RAP1B: variants seen among roughly 807,000 people sequenced by gnomAD.
RAP1B encodes the protein RAP1B, member of RAS oncogene family, also known as ras-related protein Rap-1b.
Under a neutral mutation model 27.5 loss-of-function variants are expected in RAP1B, and 1 was observed. The observed-to-expected ratio is 0.04, with a 90% CI of 0.01 to 0.17. The LOEUF is 0.17. Ranked by LOEUF, RAP1B falls within the 10% of genes least tolerant of loss-of-function variation. RAP1B has a pLI of 1.00. For missense variants in RAP1B, 84 were observed against 214.8 expected (o/e 0.39, Z 3.81); for synonymous variants, 75 against 73.1 (o/e 1.03, Z -0.13).
At position 68,661,090 on chromosome 12, in the gene RAP1B, A is replaced by G. The variant is rs1874571348; in HGVS notation, c.*1841A>G. 1 of 152,214 alleles carries G rather than the reference A, an allele frequency of 6.6e-6. No individual in the cohort carries two copies. The highest frequency in any genetic ancestry group is 1.5e-5 in the Non-Finnish European group (1 of 68,024). 9.4% of individuals were successfully genotyped at this position (152,214 alleles called of 1,614,324 possible). ...TTGCCAGCTACTGGAGCAATTAATCAGTGATAATATCTAATAGAGGGGTAT... is the reference window on the plus strand; with the variant it reads ...TTGCCAGCTACTGGAGCAATTAATCGGTGATAATATCTAATAGAGGGGTAT... On this transcript the variant is annotated 3_prime_UTR_variant, in exon 8 of 8. Transcript: ENST00000250559.
At position 68,670,066 on chromosome 12, in the gene RAP1B, A is replaced by C. The variant is rs746551745; in HGVS notation, c.*10817A>C. 2 of 149,318 alleles carry C rather than the reference A, an allele frequency of 1.3e-5. No homozygotes were observed. The highest frequency in any genetic ancestry group is 5.0e-5 in the African/African-American group (2 of 40,332). 9.2% of individuals were successfully genotyped at this position (149,318 alleles called of 1,614,324 possible). A position where few individuals can be genotyped will look rare whatever the true frequency, so the allele number is the denominator to read the frequency against. ...ATTCTCCTGCCTCAGCCTCCCGAGT[A>C]GCTGGGATTACAGGCATGTGCCACC... On this transcript the variant is annotated 3_prime_UTR_variant, in exon 8 of 8. Transcript: ENST00000250559.
rs11415135 is a variant in RAP1B at position 68,613,408 on chromosome 12, A to AT, written c.-27+2365_-27+2366insT. On this transcript the variant is annotated intron_variant, in intron 1 of 7. Coordinates refer to ENST00000250559, the MANE Select transcript of RAP1B (RefSeq NM_001010942.3). ...CTGTCTTAAAAAAAAAAAAAAAAAAAGGAGATAAGAAAATGATTGCTCTGC... is the reference window on the plus strand; with the variant it reads ...CTGTCTTAAAAAAAAAAAAAAAAAAATGGAGATAAGAAAATGATTGCTCTGC... 2.0e-5 allele frequency among the ~76,000 whole-genome samples: 3 copies of AT among 149,718 alleles called. No homozygotes were observed. The East Asian group carries it at 5.9e-4, about 29-fold the overall frequency.
At chr12:68,626,773 TG>T (rs1871812640) in intron 1 of RAP1B, 1 of 1,166,604 alleles carries the variant, frequency 8.6e-7, no homozygotes. Context: ...TTTTCCAGGG[TG>T]TTTTTTTTTT....
At chr12:68,623,805 G>A (rs1228756505) in intron 1 of RAP1B, among the ~76,000 whole-genome samples, 4 of 152,134 alleles carry the variant, frequency 2.6e-5, no homozygotes, top group Non-Finnish European at 4.4e-5. Context: ...GGTGGATCAC[G>A]AGGTCAGGAG....
rs1223147196 is a variant in RAP1B, at chr12:68,663,174, C to A, written c.*3925C>A. The A allele has an allele frequency of 6.6e-6, 1 of 151,798 alleles. No individual in the cohort carries two copies. The highest frequency in any genetic ancestry group is 1.5e-5 in the Non-Finnish European group (1 of 68,066). 9.4% of individuals were successfully genotyped at this position (151,798 alleles called of 1,614,324 possible). A position where few individuals can be genotyped will look rare whatever the true frequency, so the allele number is the denominator to read the frequency against. The stretch of plus-strand genomic sequence containing the variant: ...TGCCTCCCAGGTTCAAGCAATTCTT[C>A]TGCCTCAGCCTCCTGAATAGCTGGG... On this transcript the variant is annotated 3_prime_UTR_variant, in exon 8 of 8. Coordinates refer to ENST00000250559, the MANE Select transcript of RAP1B (RefSeq NM_001010942.3).
At chr12:68,622,651 TAATC>T (rs1457108412) in intron 1 of RAP1B, among the ~76,000 whole-genome samples, 1 of 152,240 alleles carries the variant, frequency 6.6e-6, no homozygotes, top group Non-Finnish European at 1.5e-5. Flanking sequence ...TTCTTAATCA[TAATC>T]AATAATTATA....
intron 1 of RAP1B, 117 bp downstream of exon 1, chr12:68,611,160 C>T (rs2135900370): frequency 1.4e-5 from 2 of 146,562 alleles, no homozygotes; most frequent in South Asian, 3.7e-4. Context: ...GCGCGGCGGT[C>T]AGGGGCCCCG....
rs967927284 is a variant in RAP1B, at chr12:68,610,950, G to A, written c.-120G>A. 3.9e-5 allele frequency: 12 copies of A among 311,150 alleles called. No individual in the cohort carries two copies. The highest frequency in any genetic ancestry group is 6.5e-5 in the Non-Finnish European group (11 of 168,968). 19.3% of individuals were successfully genotyped at this position (311,150 alleles called of 1,614,324 possible). ...AGGCGTGTAAACCAGCCGGAGCGGC[G>A]CGGCAGCGGCAGGACCGCCGTGGCG... On this transcript the variant is annotated 5_prime_UTR_variant, in exon 1 of 8. Transcript: ENST00000250559.
In RAP1B at chr12:68,660,598, A is replaced by C. The variant is rs1874543920; in HGVS notation, c.*1349A>C. 1 of 152,674 alleles carries C rather than the reference A, an allele frequency of 6.5e-6. No individual in the cohort carries two copies. Among genetic ancestry groups the C allele is most frequent in the East Asian group, 1.9e-4 (1 of 5,206 alleles). 9.5% of individuals were successfully genotyped at this position (152,674 alleles called of 1,614,324 possible). A position where few individuals can be genotyped will look rare whatever the true frequency, so the allele number is the denominator to read the frequency against. ...ATAAATACGGGTTTACCCTGGTTTT[A>C]ATTGTAATAGGTGCATTTTACACAG... On this transcript the variant is annotated 3_prime_UTR_variant, in exon 8 of 8. Transcript: ENST00000250559.
chr12:68,656,233 T>C (rs1342768468), intron 5 of RAP1B, 73 bp from the exon 6 acceptor site: 1 of 1,355,684 alleles, frequency 7.4e-7, no homozygotes, highest in African/African-American at 1.5e-5. Context: ...GATTTGACTC[T>C]TAGAATTCTT....
At chr12:68,626,764 T>C in intron 1 of RAP1B, 1 of 1,151,828 alleles carries the variant, frequency 8.7e-7, no homozygotes, top group Admixed American at 2.1e-5. Flanking sequence ...GTATCAGAAT[T>C]TTCCAGGGTG....
chr12:68,645,543 G>A (rs1479306155), intron 1 of RAP1B, among the ~76,000 whole-genome samples: 1 of 152,220 alleles, frequency 6.6e-6, no homozygotes, highest in African/African-American at 2.4e-5. Flanking sequence ...TGAACAGAAA[G>A]GTTATGCCTA....
chr12:68,611,950 T>C (rs1472759788), intron 1 of RAP1B, among the ~76,000 whole-genome samples: 1 of 152,188 alleles, frequency 6.6e-6, no homozygotes, highest in Non-Finnish European at 1.5e-5. Context: ...AAAAGATCAT[T>C]TTTGCAAGTT....
Position 68,668,659 on chromosome 12 carries a change from G to A in RAP1B, c.*9410G>A, listed in dbSNP as rs1308945069. The A allele has an allele frequency of 3.3e-5, 5 of 152,022 alleles. No individual in the cohort carries two copies. Among genetic ancestry groups the A allele is most frequent in the Non-Finnish European group, 4.4e-5 (3 of 68,032 alleles). The allele number at this position is 152,022 out of a possible 1,614,324, so 9.4% of individuals were successfully genotyped here. A position where few individuals can be genotyped will look rare whatever the true frequency, so the allele number is the denominator to read the frequency against. On this transcript the variant is annotated 3_prime_UTR_variant, in exon 8 of 8. Coordinates refer to ENST00000250559, the MANE Select transcript of RAP1B (RefSeq NM_001010942.3). ...ACTTTCTTGGCTCTTCTTTTCTGCC[G>A]TCCTATGAATCACAAATAGAAGTTT...
At chr12:68,611,395 C>T (rs1457366795) in intron 1 of RAP1B, among the ~76,000 whole-genome samples, 2 of 146,530 alleles carry the variant, frequency 1.4e-5, no homozygotes, top group African/African-American at 2.5e-5. Flanking sequence ...GCAGCTTCTC[C>T]CGCCGCCCTC....
In RAP1B at chr12:68,671,513, A is replaced by G. The variant is rs955973968; in HGVS notation, c.*12264A>G. 4 of 152,238 alleles carry G rather than the reference A, an allele frequency of 2.6e-5. No homozygotes were observed. In the East Asian group the frequency reaches 5.8e-4, roughly 22 times the overall value. The allele number at this position is 152,238 out of a possible 1,614,324, so 9.4% of individuals were successfully genotyped here. ...GAGTTTGATGTTTAAAGGTTGACTT[A>G]GAAGGATTCCCGTGCAAAGTGAACA... is the stretch of plus-strand genomic sequence containing the variant. On this transcript the variant is annotated 3_prime_UTR_variant, in exon 8 of 8. Coordinates refer to ENST00000250559, the MANE Select transcript of RAP1B (RefSeq NM_001010942.3).
At chr12:68,618,375 A>C (rs1418742439) in intron 1 of RAP1B, among the ~76,000 whole-genome samples, 2 of 152,080 alleles carry the variant, frequency 1.3e-5, no homozygotes, top group African/African-American at 4.8e-5. Flanking sequence ...GGCGTGAGCC[A>C]CCTTGCCTGG....
At chr12:68,644,524 C>T (rs1873254847) in intron 1 of RAP1B, among the ~76,000 whole-genome samples, 1 of 150,476 alleles carries the variant, frequency 6.6e-6, no homozygotes, top group Non-Finnish European at 1.5e-5. Flanking sequence ...GCGGAGGTTG[C>T]AGTGAGTCGA....
intron 1 of RAP1B, among the ~76,000 whole-genome samples, chr12:68,614,078 A>T (rs186899176): frequency 1.3e-5 from 2 of 152,370 alleles, no homozygotes; most frequent in Non-Finnish European, 2.9e-5. Context: ...TGGAAGGTCT[A>T]TGCAAAGATT....
Sources: allele counts gnomAD v4.1 joint callset (sites outside exome capture counted in the v4.1 genomes callset), GRCh38; gene constraint gnomAD v4.1.1; transcripts MANE v1.5; gene names NCBI Gene and HGNC (gene_info 2026-07-23, HGNC 2026-07-21).